UBN2: variants seen among roughly 807,000 people sequenced by gnomAD.
UBN2 encodes the protein ubinuclein 2, also known as ubinuclein-2.
A neutral mutation model predicts 120.2 loss-of-function variants in UBN2; 35 were observed. That is an observed-to-expected ratio of 0.29 (90% CI 0.22 to 0.39). The LOEUF (loss-of-function observed/expected upper bound fraction) is 0.39. UBN2 is among the 10% of genes least tolerant of loss of function. The probability of loss-of-function intolerance (pLI) is 1.00; values close to 1 mark genes in which losing one functional copy is unlikely to be tolerated. For synonymous variants in UBN2, 661 were observed against 648.7 expected (o/e 1.02, Z -0.29); for missense variants, 1,693 against 1,663.2 (o/e 1.02, Z -0.31).
intron 3 of UBN2, among the ~76,000 whole-genome samples, chr7:139,254,798 A>G (rs1796713956): frequency 6.6e-6 from 1 of 152,212 alleles, no homozygotes; most frequent in Non-Finnish European, 1.5e-5. Flanking sequence ...CTTTTCTTAG[A>G]GCAGTTTTAG....
the UBN2 span, among the ~76,000 whole-genome samples, chr7:139,329,415 G>T: frequency 6.6e-6 from 1 of 152,000 alleles, no homozygotes; most frequent in Non-Finnish European, 1.5e-5. Flanking sequence ...CTGTTGCTTG[G>T]ACCCTAGCCC....
chr7:139,269,630 T>C, intron 8 of UBN2, 107 bp downstream of exon 8: 1 of 1,232,288 alleles, frequency 8.1e-7, no homozygotes, highest in Non-Finnish European at 1.1e-6. Flanking sequence ...TCATATTGTA[T>C]GTATTTAATA....
downstream of UBN2, among the ~76,000 whole-genome samples, chr7:139,308,947 G>A (rs1481987885): frequency 6.6e-6 from 1 of 152,180 alleles, no homozygotes; most frequent in Admixed American, 6.5e-5. Context: ...GCATGTGCCT[G>A]TAATCCCAGC....
chr7:139,240,447 TA>T (rs1470980186), intron 2 of UBN2, among the ~76,000 whole-genome samples: 1,017 of 36,688 alleles, frequency 0.028, 4 homozygotes, highest in Middle Eastern at 0.086. Flanking sequence ...TATATATATA[TA>T]TATATATTTT....
At chr7:139,255,451 G>C (rs1796731635) in intron 3 of UBN2, among the ~76,000 whole-genome samples, 1 of 152,164 alleles carries the variant, frequency 6.6e-6, no homozygotes, top group Non-Finnish European at 1.5e-5. Flanking sequence ...CTGTGGTGAA[G>C]AAAAGTGGAA....
chr7:139,242,343 A>T (rs573714270), intron 2 of UBN2, among the ~76,000 whole-genome samples: 3 of 152,196 alleles, frequency 2.0e-5, no homozygotes, highest in African/African-American at 4.8e-5. Flanking sequence ...TGGGAACTTC[A>T]TAGGCTGGTT....
chr7:139,297,522 T>A (rs1468273421), intron 17 of UBN2, among the ~76,000 whole-genome samples: 1 of 152,154 alleles, frequency 6.6e-6, no homozygotes, highest in African/African-American at 2.4e-5. Flanking sequence ...GGGACGTAAA[T>A]GATAAATACT....
At chr7:139,249,921 A>AATG (rs922461962) in intron 2 of UBN2, among the ~76,000 whole-genome samples, 2 of 152,094 alleles carry the variant, frequency 1.3e-5, no homozygotes, top group Admixed American at 1.3e-4. Context: ...GGCTAGTCTC[A>AATG]AACTCCTGGG....
In UBN2 at chr7:139,283,763, A is replaced by G. The variant is rs562476067; in HGVS notation, c.2858A>G (p.Asn953Ser). The G allele has an allele frequency of 1.9e-6, 3 of 1,613,564 alleles. No individual in the cohort carries two copies. In the South Asian group the frequency reaches 3.3e-5, roughly 18 times the overall value. Residue 953 changes from asparagine (N) to serine (S), a missense_variant, in exon 15 of 18, where the codon AAC (asparagine) becomes AGC (serine). Asn to Ser is a conservative substitution (Grantham distance 46). Coordinates refer to ENST00000473989, the MANE Select transcript of UBN2 (RefSeq NM_173569.4). ...LQATISKSQT[N>S]PVVKLSNNPQ... is the part of the protein sequence containing the mutation. Reference sequence around the variant, plus strand: ...GCCACCATCAGTAAATCCCAGACCAACCCCGTCGTGAAGTTAAGTAATAAT... The same window carrying G: ...GCCACCATCAGTAAATCCCAGACCAGCCCCGTCGTGAAGTTAAGTAATAAT...
the UBN2 span, among the ~76,000 whole-genome samples, chr7:139,328,063 G>A: frequency 6.6e-6 from 1 of 152,174 alleles, no homozygotes; most frequent in Admixed American, 6.5e-5. Flanking sequence ...GACTCTGAAA[G>A]TGTCAGGATT....
At chr7:139,253,559 T>C (rs1359157687) in intron 3 of UBN2, among the ~76,000 whole-genome samples, 1 of 152,222 alleles carries the variant, frequency 6.6e-6, no homozygotes, top group Non-Finnish European at 1.5e-5. Context: ...ACCAGGATGG[T>C]ACATTGAGTG....
rs1797674864 is a variant in UBN2 at position 139,283,427 on chromosome 7, C to T, written c.2522C>T (p.Pro841Leu). The T allele has an allele frequency of 3.7e-6, 6 of 1,613,958 alleles. No homozygotes were observed. In the East Asian group the frequency reaches 1.3e-4, roughly 36 times the overall value. ...ATTGCTGGTCACACAGGGCCAGTAC[C>T]AAAGAAACCCCAGGATTTAGCTCAT... is the stretch of plus-strand genomic sequence containing the variant. Reference protein sequence around the residue: ...SLIAGHTGPVPKKPQDLAHTG... With the variant: ...SLIAGHTGPVLKKPQDLAHTG... Residue 841 changes from proline (P) to leucine (L), a missense_variant, in exon 15 of 18, where the codon CCA (proline) becomes CTA (leucine). Pro to Leu is a moderately conservative substitution (Grantham distance 98). This residue lies in a region of UBN2 where 837 missense variants were observed against 817.6 expected (regional missense o/e 1.02). Coordinates refer to ENST00000473989, the MANE Select transcript of UBN2 (RefSeq NM_173569.4).
At chr7:139,318,299 G>A in the UBN2 span, among the ~76,000 whole-genome samples, 1 of 151,636 alleles carries the variant, frequency 6.6e-6, no homozygotes, top group Non-Finnish European at 1.5e-5. Context: ...CAAGTGGGCT[G>A]GGAGCACCAG....
chr7:139,245,260 G>A (rs903184362), intron 2 of UBN2, among the ~76,000 whole-genome samples: 1 of 151,950 alleles, frequency 6.6e-6, no homozygotes, highest in Non-Finnish European at 1.5e-5. Flanking sequence ...TTCTTCAATG[G>A]CTATTAACAT....
chr7:139,238,418 A>C (rs1416225712), intron 2 of UBN2, among the ~76,000 whole-genome samples: 1 of 151,842 alleles, frequency 6.6e-6, no homozygotes, highest in African/African-American at 2.4e-5. Context: ...GCTTTGGGCC[A>C]CAGTTTTCTT....
At position 139,293,438 on chromosome 7, in the gene UBN2, C is replaced by T. The variant is rs986143751; in HGVS notation, c.3876C>T (p.Ala1292=). 2.4e-5 allele frequency: 38 copies of T among 1,614,044 alleles called. No homozygotes were observed. Among genetic ancestry groups the T allele is most frequent in the Non-Finnish European group, 3.0e-5 (35 of 1,180,028 alleles). The change falls in exon 16 of 18, where the codon GCC becomes GCT. Residue 1292 remains alanine, a synonymous_variant. Transcript: ENST00000473989. Reference sequence around the variant, plus strand: ...CAACCACCTCGGGATCTACCTCAGCCGCTTTCCACCATAGCCTAACTCAGA... The same window carrying T: ...CAACCACCTCGGGATCTACCTCAGCTGCTTTCCACCATAGCCTAACTCAGA... ...GVTTTSGSTS[A]AFHHSLTQNL...
chr7:139,288,091 A>G (rs1348082090), intron 15 of UBN2, among the ~76,000 whole-genome samples: 1 of 152,174 alleles, frequency 6.6e-6, no homozygotes, highest in Non-Finnish European at 1.5e-5. Flanking sequence ...TTGCCACTTT[A>G]TAATTCCAAA....
rs1406564788 is a variant in UBN2 at position 139,259,263 on chromosome 7, G to C, written c.802-4G>C. ...TAAATGATCATTCTTTTATCATTTT[G>C]CAGGTCCCCAAAATAAAAGAAGATG... On this transcript the variant is annotated splice_polypyrimidine_tract_variant and splice_region_variant and intron_variant, in intron 4 of 17. Transcript: ENST00000473989. The C allele has an allele frequency of 1.9e-6, 3 of 1,612,060 alleles. No individual in the cohort carries two copies. Among genetic ancestry groups the C allele is most frequent in the Middle Eastern group, 1.7e-4 (1 of 6,052 alleles).
chr7:139,250,975 G>A lies in UBN2; in HGVS notation c.562-981G>A, dbSNP rs370737943. On this transcript the variant is annotated intron_variant, in intron 2 of 17. Coordinates refer to ENST00000473989, the MANE Select transcript of UBN2 (RefSeq NM_173569.4). ...ATTTAAAAATTAGCCGGGCTTTGAG[G>A]CATGCACCTGTAGTCCCACTTACGA... is the stretch of plus-strand genomic sequence containing the variant. Among the ~76,000 whole-genome samples the A allele has an allele frequency of 5.5e-4, 84 of 151,988 alleles. No homozygotes were observed. In the Middle Eastern group the frequency reaches 0.014, roughly 25 times the overall value.
Sources: allele counts gnomAD v4.1 joint callset (sites outside exome capture counted in the v4.1 genomes callset), GRCh38; gene constraint gnomAD v4.1.1; regional missense constraint gnomAD v4.1.1; transcripts MANE v1.5; gene names NCBI Gene and HGNC (gene_info 2026-07-23, HGNC 2026-07-21).